The following WDR7 variants were observed in gnomAD, a reference collection of about 807,000 sequenced individuals.
WDR7 encodes WD repeat domain 7, also known as WD repeat-containing protein 7.
In WDR7, 46 loss-of-function variants were observed where a neutral mutation model predicts 169.4. That is an observed-to-expected ratio of 0.27 (90% confidence interval 0.21 to 0.35). WDR7 has a LOEUF of 0.35. Ranked by LOEUF, WDR7 falls within the 10% of genes least tolerant of loss-of-function variation. The pLI, the probability that WDR7 is intolerant of heterozygous loss-of-function variation, is 1.00. For missense variants in WDR7, 1,534 were observed against 1,859.3 expected, an observed-to-expected ratio of 0.83 and a Z score of 3.22; for synonymous variants, 612 against 666.8, an observed-to-expected ratio of 0.92 and a Z score of 1.27.
chr18:56,972,578 G>T (rs989422960), intron 26 of WDR7, among the ~76,000 whole-genome samples: 2 of 152,136 alleles, frequency 1.3e-5, no homozygotes, highest in Non-Finnish European at 2.9e-5. Context: ...GGCATCAGGG[G>T]TGATCATAAG....
intron 26 of WDR7, among the ~76,000 whole-genome samples, chr18:56,996,371 A>G (rs557361365): frequency 1.3e-5 from 2 of 152,326 alleles, no homozygotes; most frequent in Non-Finnish European, 2.9e-5. Context: ...CATCTAATAG[A>G]TTCTGGGGCT....
At chr18:56,804,564 A>C (rs1002151645) in intron 19 of WDR7, among the ~76,000 whole-genome samples, 1 of 152,206 alleles carries the variant, frequency 6.6e-6, no homozygotes, top group African/African-American at 2.4e-5. Context: ...TATGGATATA[A>C]CAGTTATGAG....
intron 21 of WDR7, among the ~76,000 whole-genome samples, chr18:56,902,676 A>G (rs1467670129): frequency 6.6e-6 from 1 of 152,162 alleles, no homozygotes; most frequent in African/African-American, 2.4e-5. Context: ...CCTAATAGTA[A>G]ATTTTCAACT....
intron 26 of WDR7, among the ~76,000 whole-genome samples, chr18:56,972,825 C>T (rs544809552): frequency 6.6e-4 from 101 of 152,086 alleles, no homozygotes; most frequent in Non-Finnish European, 1.3e-3. Flanking sequence ...CCACCACTCA[C>T]AAGTACTTCT....
intron 20 of WDR7, among the ~76,000 whole-genome samples, chr18:56,853,534 G>A (rs555100872): frequency 1.5e-4 from 23 of 152,062 alleles, no homozygotes; most frequent in African/African-American, 4.1e-4. Context: ...AATATATTTC[G>A]TTTAATCAGT....
chr18:56,935,303 A>G (rs945068546), intron 22 of WDR7, among the ~76,000 whole-genome samples: 11 of 152,224 alleles, frequency 7.2e-5, no homozygotes, highest in Non-Finnish European at 1.5e-4. Flanking sequence ...AATGAAAAAT[A>G]ATATACAAAC....
intron 12 of WDR7, among the ~76,000 whole-genome samples, chr18:56,705,225 C>T (rs1250262973): frequency 6.6e-6 from 1 of 151,910 alleles, no homozygotes; most frequent in Non-Finnish European, 1.5e-5. Context: ...TTTGATTAGA[C>T]ATTCATTGGG....
chr18:56,777,724 A>T (rs2044261832), intron 17 of WDR7, among the ~76,000 whole-genome samples: 1 of 152,216 alleles, frequency 6.6e-6, no homozygotes, highest in Admixed American at 6.5e-5. Flanking sequence ...AAATGGAAGG[A>T]ATCTTGCAAT....
chr18:56,934,485 C>CT (rs2046931492), intron 22 of WDR7, among the ~76,000 whole-genome samples: 1 of 151,830 alleles, frequency 6.6e-6, no homozygotes, highest in African/African-American at 2.4e-5. Flanking sequence ...TCACATCTTT[C>CT]TTTTTAGTGT....
intron 12 of WDR7, among the ~76,000 whole-genome samples, chr18:56,711,998 C>T (rs963243411): frequency 6.6e-6 from 1 of 152,098 alleles, no homozygotes; most frequent in African/African-American, 2.4e-5. Flanking sequence ...ATAGAATGTT[C>T]ATGTGTTTAG....
intron 26 of WDR7, among the ~76,000 whole-genome samples, chr18:56,978,258 G>T (rs2145822309): frequency 6.6e-6 from 1 of 152,248 alleles, no homozygotes; most frequent in East Asian, 1.9e-4. Context: ...TACTAAGTTT[G>T]TTGTTTAACT....
At chr18:56,780,987 T>C (rs946921145) in intron 18 of WDR7, among the ~76,000 whole-genome samples, 33 of 152,228 alleles carry the variant, frequency 2.2e-4, no homozygotes, top group African/African-American at 8.0e-4. Flanking sequence ...GTTATGCCTT[T>C]ATACAGGAAT....
chr18:56,737,531 C>CTT (rs1369619519), intron 14 of WDR7, among the ~76,000 whole-genome samples: 1 of 152,204 alleles, frequency 6.6e-6, no homozygotes, highest in East Asian at 1.9e-4. Flanking sequence ...GATGATTTAT[C>CTT]TTTTACCTTA....
At chr18:56,906,438 G>A (rs1019302907) in intron 21 of WDR7, among the ~76,000 whole-genome samples, 2 of 152,164 alleles carry the variant, frequency 1.3e-5, no homozygotes, top group Admixed American at 6.6e-5. Flanking sequence ...GCAAATGAGA[G>A]TGTGGATGAA....
intron 20 of WDR7, among the ~76,000 whole-genome samples, chr18:56,838,257 G>T (rs73436722): frequency 6.6e-6 from 1 of 150,968 alleles, no homozygotes; most frequent in Non-Finnish European, 1.5e-5. Flanking sequence ...TATGTTCTTT[G>T]ATCCTTATTT....
chr18:56,718,551 T>C (rs2026245410), intron 13 of WDR7, among the ~76,000 whole-genome samples: 1 of 152,188 alleles, frequency 6.6e-6, no homozygotes, highest in Admixed American at 6.5e-5. Flanking sequence ...GTTACTTGTA[T>C]GAGGTAATTA....
intron 5 of WDR7, among the ~76,000 whole-genome samples, chr18:56,684,916 G>A (rs1321405899): frequency 1.3e-5 from 2 of 152,034 alleles, no homozygotes; most frequent in Non-Finnish European, 2.9e-5. Flanking sequence ...CAGGCAATAG[G>A]GAACTAATCA....
At chr18:56,698,284 T>G (rs2025747855) in intron 12 of WDR7, among the ~76,000 whole-genome samples, 1 of 151,938 alleles carries the variant, frequency 6.6e-6, no homozygotes, top group Admixed American at 6.6e-5. Flanking sequence ...ATATATTCCC[T>G]TGTGTTTTTT....
At chr18:57,035,196 C>G in the WDR7 span, 2 of 152,260 alleles carry the variant, frequency 1.3e-5, no homozygotes, top group African/African-American at 4.8e-5. Flanking sequence ...AGTGCTGGAC[C>G]TGCTAGGACA....
Sources: gnomAD v4.1 joint callset for allele counts (sites outside exome capture counted in the v4.1 genomes callset) on GRCh38, gnomAD v4.1.1 for gene constraint, MANE v1.5 for transcripts, NCBI Gene and HGNC (gene_info 2026-07-23, HGNC 2026-07-21) for gene names.